Variants in THSD7B observed in about 807,000 individuals in gnomAD.
THSD7B encodes thrombospondin type-1 domain-containing protein 7B.
A neutral mutation model predicts 213.6 loss-of-function variants in THSD7B; 138 were observed. The ratio of observed to expected loss-of-function variants is 0.65; its 90% CI spans 0.56 to 0.74. The LOEUF (loss-of-function observed/expected upper bound fraction) is 0.74. Ranked by LOEUF, THSD7B falls within the 30% of genes least tolerant of loss-of-function variation. THSD7B has a pLI of 0.00. For synonymous variants in THSD7B, 742 were observed against 687.0 expected (o/e 1.08, Z -1.25); for missense variants, 1,931 against 1,991.5 (o/e 0.97, Z 0.58).
intron 2 of THSD7B, among the ~76,000 whole-genome samples, chr2:137,019,055 T>C (rs1202354233): frequency 1.3e-5 from 2 of 152,268 alleles, no homozygotes; most frequent in Non-Finnish European, 2.9e-5. Context: ...TTACTACATA[T>C]TTTAATCATT....
At chr2:137,617,511 G>A (rs1050717507) in intron 18 of THSD7B, among the ~76,000 whole-genome samples, 1 of 152,108 alleles carries the variant, frequency 6.6e-6, no homozygotes, top group South Asian at 2.1e-4. Flanking sequence ...TATAGTTTCT[G>A]TAACAGTCCA....
At chr2:137,183,453 C>G (rs13029652) in intron 7 of THSD7B, among the ~76,000 whole-genome samples, 7,023 of 152,128 alleles carry the variant, frequency 0.046, 201 homozygotes, top group Admixed American at 0.069. Context: ...AATCTTCAGT[C>G]AATCCAGATG....
chr2:136,845,257 G>A (rs866304293), intron 1 of THSD7B, among the ~76,000 whole-genome samples: 6 of 152,176 alleles, frequency 3.9e-5, no homozygotes, highest in Non-Finnish European at 8.8e-5. Flanking sequence ...TAGCGGTAAA[G>A]GGAGGCTTCT....
At chr2:137,448,624 C>T (rs1687588211) in intron 14 of THSD7B, among the ~76,000 whole-genome samples, 1 of 151,954 alleles carries the variant, frequency 6.6e-6, no homozygotes, top group Non-Finnish European at 1.5e-5. Flanking sequence ...GGTGAAACCC[C>T]ATCTCTACTA....
chr2:136,966,327 C>T (rs985081109), intron 2 of THSD7B, among the ~76,000 whole-genome samples: 2 of 152,014 alleles, frequency 1.3e-5, no homozygotes, highest in African/African-American at 2.4e-5. Flanking sequence ...AAGTGATCCT[C>T]CCACCTCAGC....
At chr2:137,612,612 T>A (rs1173425135) in intron 17 of THSD7B, among the ~76,000 whole-genome samples, 1 of 152,138 alleles carries the variant, frequency 6.6e-6, no homozygotes. Flanking sequence ...CTGCCAAACA[T>A]CATTAAGTTC....
intron 20 of THSD7B, among the ~76,000 whole-genome samples, chr2:137,629,092 G>T (rs867719941): frequency 2.2e-4 from 33 of 152,156 alleles, no homozygotes; most frequent in African/African-American, 6.8e-4. Flanking sequence ...CACACTGAAA[G>T]AATTTTATTA....
chr2:137,427,349 C>G (rs1233285675), intron 14 of THSD7B, among the ~76,000 whole-genome samples: 2 of 152,116 alleles, frequency 1.3e-5, no homozygotes, highest in African/African-American at 4.8e-5. Context: ...GACGTCTGCA[C>G]TCCCATGTTC....
intron 3 of THSD7B, among the ~76,000 whole-genome samples, chr2:137,066,922 A>G (rs376540745): frequency 2.6e-5 from 4 of 152,002 alleles, no homozygotes; most frequent in East Asian, 1.9e-4. Context: ...AGAAGTTGCT[A>G]TTGACATTTC....
chr2:137,598,373 A>G (rs1475459525), intron 17 of THSD7B, among the ~76,000 whole-genome samples: 1 of 152,190 alleles, frequency 6.6e-6, no homozygotes, highest in Non-Finnish European at 1.5e-5. Context: ...AAATTTTAGC[A>G]AGGAAAGTAG....
At chr2:137,563,749 T>C (rs886443461) in intron 16 of THSD7B, among the ~76,000 whole-genome samples, 28 of 152,144 alleles carry the variant, frequency 1.8e-4, no homozygotes, top group African/African-American at 6.3e-4. Context: ...ATGTTGATAA[T>C]TAAAAAGGTT....
intron 13 of THSD7B, among the ~76,000 whole-genome samples, chr2:137,406,585 T>G (rs1686523767): frequency 6.6e-6 from 1 of 152,212 alleles, no homozygotes; most frequent in South Asian, 2.1e-4. Context: ...AGATGACCAT[T>G]TGTTCTCATG....
At chr2:136,799,579 T>C (rs1682138007) in intron 1 of THSD7B, among the ~76,000 whole-genome samples, 1 of 151,992 alleles carries the variant, frequency 6.6e-6, no homozygotes, top group Non-Finnish European at 1.5e-5. Context: ...TTTTTTGAAG[T>C]CAATTTATAA....
At position 137,160,352 on chromosome 2, in the gene THSD7B, T is replaced by A. The variant is rs4954474; in HGVS notation, c.1509T>A (p.Asp503Glu). ...TGTGCATCCATGAAAACTGTCATGATCCTCAGGGGAAAAAAGGTGAGTGCC... is the reference window on the plus strand; with the variant it reads ...TGTGCATCCATGAAAACTGTCATGAACCTCAGGGGAAAAAAGGTGAGTGCC... ...WGLCIHENCH[D>E]PQGKKGFRTR... Residue 503 changes from aspartate (D) to glutamate (E), a missense_variant, in exon 6 of 28, where the codon GAT becomes GAA. Asp to Glu is a conservative substitution (Grantham distance 45, BLOSUM62 2). Transcript: ENST00000409968. 0.46 allele frequency: 741,750 copies of A among 1,612,420 alleles called. 177,852 individuals are homozygous for A. The highest frequency in any genetic ancestry group is 0.49 in the Non-Finnish European group (583,677 of 1,179,224).
At chr2:137,103,417 C>T (rs948534202) in intron 4 of THSD7B, among the ~76,000 whole-genome samples, 1 of 152,034 alleles carries the variant, frequency 6.6e-6, no homozygotes, top group African/African-American at 2.4e-5. Context: ...CAGTACCAGC[C>T]AATGCAAAAA....
chr2:136,962,133 C>T (rs1457241901), intron 2 of THSD7B, among the ~76,000 whole-genome samples: 1 of 152,162 alleles, frequency 6.6e-6, no homozygotes, highest in East Asian at 1.9e-4. Flanking sequence ...CTGCACAAGC[C>T]ATTGCTGGCT....
chr2:137,335,730 T>C (rs1456127721), intron 12 of THSD7B, among the ~76,000 whole-genome samples: 1 of 152,166 alleles, frequency 6.6e-6, no homozygotes, highest in African/African-American at 2.4e-5. Flanking sequence ...GATCAGATGC[T>C]GGTTTCGAAG....
intron 20 of THSD7B, among the ~76,000 whole-genome samples, chr2:137,635,587 A>G (rs1249800641): frequency 1.3e-5 from 2 of 152,198 alleles, no homozygotes; most frequent in Non-Finnish European, 2.9e-5. Flanking sequence ...CACAGGTAGC[A>G]TGTTTTATGT....
chr2:136,953,159 T>A (rs1347327596), intron 2 of THSD7B, among the ~76,000 whole-genome samples: 1 of 152,164 alleles, frequency 6.6e-6, no homozygotes, highest in Non-Finnish European at 1.5e-5. Context: ...TAAAACATAG[T>A]CACAGCCTTC....
Sources: gnomAD v4.1 joint callset for allele counts (sites outside exome capture counted in the v4.1 genomes callset) on GRCh38, gnomAD v4.1.1 for gene constraint, MANE v1.5 for transcripts, NCBI Gene and HGNC (gene_info 2026-07-23, HGNC 2026-07-21) for gene names.